COL9A1: variants seen among roughly 807,000 people sequenced by gnomAD.
COL9A1 encodes the protein collagen type IX alpha 1 chain, also known as collagen alpha-1(IX) chain.
Under a neutral mutation model 142.6 loss-of-function variants are expected in COL9A1, and 104 were observed. That is an observed-to-expected ratio of 0.73 (90% CI 0.62 to 0.86). The LOEUF (loss-of-function observed/expected upper bound fraction) is 0.86. COL9A1 is among the 40% of genes least tolerant of loss of function. The probability of loss-of-function intolerance (pLI) is 0.00; values close to 1 mark genes in which losing one functional copy is unlikely to be tolerated. For missense variants in COL9A1, 1,210 were observed against 1,176.6 expected (o/e 1.03, Z -0.42); for synonymous variants, 466 against 396.0 (o/e 1.18, Z -2.10).
chr6:70,301,939 G>T, intron 2 of COL9A1, 62 bp downstream of exon 2: 3 of 1,354,224 alleles, frequency 2.2e-6, no homozygotes, highest in Non-Finnish European at 2.1e-6. Flanking sequence ...GTCAGCCACA[G>T]CCCTGCCTGA....
At position 70,232,726 on chromosome 6, in the gene COL9A1, C is replaced by A. The variant is rs1014122856; in HGVS notation, c.2360G>T (p.Gly787Val). 1.9e-6 allele frequency: 3 copies of A among 1,613,748 alleles called. No homozygotes were observed. Among genetic ancestry groups the A allele is most frequent in the African/African-American group, 2.7e-5 (2 of 74,896 alleles). Residue 787 changes from glycine to valine, a missense_variant, in exon 36 of 38, where the codon GGT becomes GTT. Physicochemically the swap from Gly to Val is moderately radical, Grantham distance 109. Coordinates refer to ENST00000357250, the MANE Select transcript of COL9A1 (RefSeq NM_001851.6). ...AGGCCTTCCAGGAAGCCCAGTGGCA[C>A]CTGAGTCTGGACGCTTAAGACTGGC... Reference protein sequence around the residue: ...MAASLKRPDSGATGLPGRPGP... With the variant: ...MAASLKRPDSVATGLPGRPGP...
chr6:70,224,502 C>T (rs1769101333), intron 37 of COL9A1, among the ~76,000 whole-genome samples: 1 of 152,158 alleles, frequency 6.6e-6, no homozygotes, highest in Non-Finnish European at 1.5e-5. Context: ...TAGTGCAAGT[C>T]ATTGGTTCAA....
intron 18 of COL9A1, among the ~76,000 whole-genome samples, chr6:70,263,740 G>T (rs772667425): frequency 6.6e-6 from 1 of 151,604 alleles, no homozygotes; most frequent in Non-Finnish European, 1.5e-5. Flanking sequence ...ATTTTTCATC[G>T]TGATTTTTAT....
chr6:70,273,349 A>C (rs1772528604), intron 12 of COL9A1, among the ~76,000 whole-genome samples: 1 of 152,182 alleles, frequency 6.6e-6, no homozygotes, highest in Non-Finnish European at 1.5e-5. Context: ...TTAAGAGTTG[A>C]GTTGAAAAAT....
intron 36 of COL9A1, among the ~76,000 whole-genome samples, 175 bp downstream of exon 36, chr6:70,232,408 G>A (rs1486806587): frequency 1.3e-5 from 2 of 152,200 alleles, no homozygotes; most frequent in Non-Finnish European, 2.9e-5. Context: ...GCAGGGTCAA[G>A]GGAATATTAT....
At chr6:70,278,483 A>G (rs1772911364) in intron 10 of COL9A1, among the ~76,000 whole-genome samples, 1 of 152,226 alleles carries the variant, frequency 6.6e-6, no homozygotes, top group South Asian at 2.1e-4. Flanking sequence ...GTGCTTGAGG[A>G]AAAAGTTCTG....
chr6:70,295,631 C>T (rs544433), intron 4 of COL9A1, among the ~76,000 whole-genome samples: 19,780 of 152,066 alleles, frequency 0.13, 1,472 homozygotes, highest in African/African-American at 0.2. Flanking sequence ...TCATTGCTAA[C>T]TCCTTTACTG....
At chr6:70,249,105 G>A (rs993051000) in intron 28 of COL9A1, among the ~76,000 whole-genome samples, 1 of 150,032 alleles carries the variant, frequency 6.7e-6, no homozygotes, top group Non-Finnish European at 1.5e-5. Context: ...AAGCCGAAAT[G>A]AGAAGTAAAA....
intron 31 of COL9A1, 117 bp from the exon 32 acceptor site, chr6:70,240,850 A>G: frequency 6.0e-6 from 5 of 833,362 alleles, no homozygotes; most frequent in Non-Finnish European, 8.4e-6. Context: ...ATCATGCAGA[A>G]ATACAAAATG....
intron 26 of COL9A1, chr6:70,253,121 A>C (rs1478703202): frequency 2.7e-6 from 1 of 364,470 alleles, no homozygotes. Context: ...TTTAGTAGTA[A>C]GGAACAATAA....
At chr6:70,280,675 G>T in intron 10 of COL9A1, 137 bp downstream of exon 10, 1 of 1,324,938 alleles carries the variant, frequency 7.5e-7, no homozygotes, top group Non-Finnish European at 1.0e-6. Flanking sequence ...TCAGGCGCTG[G>T]CAGGAGGCCA....
intron 10 of COL9A1, chr6:70,279,864 C>A (rs1773024143): frequency 2.1e-6 from 1 of 466,096 alleles, no homozygotes; most frequent in Non-Finnish European, 4.0e-6. Context: ...TTTTCGAGTG[C>A]TTTCTTTCAT....
intron 19 of COL9A1, among the ~76,000 whole-genome samples, chr6:70,262,129 A>T (rs1045452772): frequency 1.6e-4 from 25 of 151,856 alleles, no homozygotes; most frequent in African/African-American, 4.6e-4. Flanking sequence ...AAATTTTTTT[A>T]AAAAACTTTA....
chr6:70,266,343 T>A (rs1026956600), intron 18 of COL9A1, among the ~76,000 whole-genome samples: 1 of 152,196 alleles, frequency 6.6e-6, no homozygotes, highest in South Asian at 2.1e-4. Context: ...CAGCAACACT[T>A]GTCATAAAAT....
chr6:70,261,623 T>C (rs535971307), intron 19 of COL9A1, among the ~76,000 whole-genome samples: 1 of 152,228 alleles, frequency 6.6e-6, no homozygotes, highest in South Asian at 2.1e-4. Context: ...ACAAATTCTA[T>C]GTAGATCAGT....
At chr6:70,233,182 G>A (rs1300737070) in intron 35 of COL9A1, among the ~76,000 whole-genome samples, 1 of 152,188 alleles carries the variant, frequency 6.6e-6, no homozygotes, top group East Asian at 1.9e-4. Context: ...CAGATGTCCA[G>A]ACAGTTTTTA....
At chr6:70,243,032 G>C (rs533828635) in intron 28 of COL9A1, among the ~76,000 whole-genome samples, 1 of 152,182 alleles carries the variant, frequency 6.6e-6, no homozygotes, top group South Asian at 2.1e-4. Flanking sequence ...CTTAGATTAT[G>C]TGTTCTTAAG....
rs6902075 is a variant in COL9A1, at chr6:70,221,809, A to G, written c.2581+4123T>C. On this transcript the variant is annotated intron_variant, in intron 37 of 37. Coordinates refer to ENST00000357250, the MANE Select transcript of COL9A1 (RefSeq NM_001851.6). ...TCAGAGTGACGAGGAACTAGTCCCA[A>G]TGGGCAAGTTTGGTGGCAGCAGAGA... is the stretch of plus-strand genomic sequence containing the variant. 2.5e-3 allele frequency among the ~76,000 whole-genome samples: 382 copies of G among 152,286 alleles called. 2 individuals are homozygous for G. The highest frequency in any genetic ancestry group is 8.5e-3 in the African/African-American group (354 of 41,568).
Position 70,272,101 on chromosome 6 carries a change from A to C in COL9A1, c.1066-13T>G. On this transcript the variant is annotated splice_polypyrimidine_tract_variant and intron_variant, in intron 12 of 37. Transcript: ENST00000357250. ...GAATACCACGGCCCTAAAAGAGTAC[A>C]ATAAAAATGGTTATAGCTTGAGGTT... 5 of 1,609,558 alleles carry C rather than the reference A, an allele frequency of 3.1e-6. No individual in the cohort carries two copies. Among genetic ancestry groups the C allele is most frequent in the Non-Finnish European group, 4.2e-6 (5 of 1,176,552 alleles).
Sources: gnomAD v4.1 joint callset for allele counts (sites outside exome capture counted in the v4.1 genomes callset) on GRCh38, gnomAD v4.1.1 for gene constraint, MANE v1.5 for transcripts, NCBI Gene and HGNC (gene_info 2026-07-23, HGNC 2026-07-21) for gene names.